Variants in TENM3 observed in about 807,000 individuals in gnomAD.
TENM3 encodes teneurin-3.
Under a neutral mutation model 255.1 loss-of-function variants are expected in TENM3, and 63 were observed. The observed-to-expected ratio is 0.25, with a 90% confidence interval of 0.20 to 0.30. The LOEUF (loss-of-function observed/expected upper bound fraction) is 0.30. Among genes scored for constraint, TENM3 ranks in the 10% least tolerant of loss-of-function variants. TENM3 has a pLI of 1.00. For missense variants in TENM3, 2,929 were observed against 3,461.1 expected (o/e 0.85, Z 3.86); for synonymous variants, 1,306 against 1,322.3 (o/e 0.99, Z 0.27).
intron 5 of TENM3, among the ~76,000 whole-genome samples, chr4:182,647,349 T>C (rs1752845777): frequency 1.3e-5 from 2 of 152,216 alleles, no homozygotes; most frequent in South Asian, 4.1e-4. Context: ...AAACTAAAAT[T>C]CTGTACCTAT....
At chr4:181,620,266 AAAAATAAAAAT>A in the TENM3 span, among the ~76,000 whole-genome samples, 1 of 135,418 alleles carries the variant, frequency 7.4e-6, no homozygotes, top group Non-Finnish European at 1.6e-5. Context: ...ATCTCAAAAT[AAAAATAAAAAT>A]AAAATAAAAT....
chr4:181,830,335 C>A, the TENM3 span, among the ~76,000 whole-genome samples: 2 of 152,172 alleles, frequency 1.3e-5, no homozygotes. Flanking sequence ...ATGGCACAAT[C>A]TCTGCTCACT....
chr4:182,121,961 C>G, the TENM3 span, among the ~76,000 whole-genome samples: 134 of 152,330 alleles, frequency 8.8e-4, no homozygotes, highest in Non-Finnish European at 1.7e-3. Context: ...ACTGCTTTAT[C>G]AACTAAGTGT....
the TENM3 span, among the ~76,000 whole-genome samples, chr4:181,826,713 G>T: frequency 6.6e-6 from 1 of 152,154 alleles, no homozygotes; most frequent in Non-Finnish European, 1.5e-5. Flanking sequence ...ATCACCCAGG[G>T]AGTTTTTGAA....
chr4:181,453,852 G>A, the TENM3 span, among the ~76,000 whole-genome samples: 1 of 152,100 alleles, frequency 6.6e-6, no homozygotes, highest in South Asian at 2.1e-4. Context: ...CCAAGTCTTA[G>A]AAGAAACTCA....
chr4:181,701,379 G>C, the TENM3 span, among the ~76,000 whole-genome samples: 2 of 152,216 alleles, frequency 1.3e-5, no homozygotes, highest in Non-Finnish European at 2.9e-5. Flanking sequence ...CAGGCAGCAA[G>C]TGTTTGCCAT....
rs145531602 is a variant in TENM3, at chr4:182,394,177, G to A, written c.511+47248G>A. ...GGCTGTGCTTGGTCTCTAACTGCTC[G>A]TGGAACAACCCACTGGTTTCTTTTG... On this transcript the variant is annotated intron_variant, in intron 3 of 27. Coordinates refer to ENST00000511685, the MANE Select transcript of TENM3 (RefSeq NM_001080477.4). 8.7e-4 allele frequency among the ~76,000 whole-genome samples: 133 copies of A among 152,238 alleles called. 1 individual carries two copies. The highest frequency in any genetic ancestry group is 2.9e-3 in the African/African-American group (121 of 41,548).
At chr4:182,629,755 A>C (rs894527340) in intron 5 of TENM3, among the ~76,000 whole-genome samples, 15 of 152,182 alleles carry the variant, frequency 9.9e-5, no homozygotes, top group African/African-American at 3.4e-4. Flanking sequence ...ATGAAATTCT[A>C]TAACTGAATA....
the TENM3 span, among the ~76,000 whole-genome samples, chr4:182,037,356 C>T: frequency 6.6e-6 from 1 of 152,096 alleles, no homozygotes; most frequent in Non-Finnish European, 1.5e-5. Flanking sequence ...CCAGGTTGGC[C>T]GGGCTGGTCT....
chr4:181,641,552 GTGTATATATATATA>G, the TENM3 span, among the ~76,000 whole-genome samples: 113 of 21,690 alleles, frequency 5.2e-3, 3 homozygotes, highest in African/African-American at 0.012. Context: ...CATGGTGTGT[GTGTATATATATATA>G]TATATATATA....
chr4:181,470,815 A>G, the TENM3 span, among the ~76,000 whole-genome samples: 14 of 152,190 alleles, frequency 9.2e-5, no homozygotes. Flanking sequence ...TCTACAAAGC[A>G]TGCTCACCAA....
At chr4:181,495,627 G>A in the TENM3 span, among the ~76,000 whole-genome samples, 2 of 151,828 alleles carry the variant, frequency 1.3e-5, no homozygotes, top group South Asian at 2.1e-4. Flanking sequence ...GGTGTATGAC[G>A]ACGACACTTT....
At chr4:182,027,159 T>C in the TENM3 span, among the ~76,000 whole-genome samples, 2 of 152,114 alleles carry the variant, frequency 1.3e-5, no homozygotes, top group Non-Finnish European at 2.9e-5. Context: ...TATAGAGATC[T>C]TCTTAGGTAT....
chr4:182,753,038 C>T (rs1762486512), intron 20 of TENM3, among the ~76,000 whole-genome samples: 1 of 151,264 alleles, frequency 6.6e-6, no homozygotes, highest in Non-Finnish European at 1.5e-5. Context: ...CCTCCGCCTC[C>T]CGGGTTCAAG....
chr4:181,759,452 G>A, the TENM3 span, among the ~76,000 whole-genome samples: 2 of 152,042 alleles, frequency 1.3e-5, no homozygotes, highest in East Asian at 3.9e-4. Flanking sequence ...AAAAGTTGGA[G>A]TTACTTTATC....
chr4:182,119,386 T>C, the TENM3 span, among the ~76,000 whole-genome samples: 1 of 151,614 alleles, frequency 6.6e-6, no homozygotes, highest in Admixed American at 6.6e-5. Flanking sequence ...CTCCGTGGAG[T>C]TTTTATCTCT....
At chr4:181,545,949 T>G in the TENM3 span, among the ~76,000 whole-genome samples, 1 of 152,288 alleles carries the variant, frequency 6.6e-6, no homozygotes, top group East Asian at 1.9e-4. Context: ...GCAGAAAAAG[T>G]GCACATATAT....
intron 3 of TENM3, among the ~76,000 whole-genome samples, chr4:182,389,214 C>T (rs544303818): frequency 2.0e-5 from 3 of 152,144 alleles, no homozygotes; most frequent in South Asian, 2.1e-4. Flanking sequence ...GGAGGTGTAG[C>T]TGAAAGTACA....
chr4:181,922,303 G>A, the TENM3 span, among the ~76,000 whole-genome samples: 2 of 152,302 alleles, frequency 1.3e-5, no homozygotes, highest in East Asian at 3.9e-4. Flanking sequence ...AGTTTCAGAA[G>A]GAATGGTACC....
Sources: allele counts gnomAD v4.1 joint callset (sites outside exome capture counted in the v4.1 genomes callset), GRCh38; gene constraint gnomAD v4.1.1; transcripts MANE v1.5; gene names NCBI Gene and HGNC (gene_info 2026-07-23, HGNC 2026-07-21).